POFUT3: variants seen among roughly 807,000 people sequenced by gnomAD.
POFUT3 encodes the protein GDP-fucose protein O-fucosyltransferase 3.
the POFUT3 span, among the ~76,000 whole-genome samples, chr8:33,443,718 T>C: frequency 0.96 from 145,452 of 152,220 alleles, 69,548 homozygotes; most frequent in East Asian, 1. Flanking sequence ...GTCTCGAACT[T>C]CTGACCTCAA....
chr8:33,461,149 T>G, the POFUT3 span, among the ~76,000 whole-genome samples: 1 of 121,040 alleles, frequency 8.3e-6, no homozygotes, highest in African/African-American at 3.3e-5. Flanking sequence ...AGTGGTACTG[T>G]GTCGAAAGGA....
At chr8:33,390,510 A>G in the POFUT3 span, among the ~76,000 whole-genome samples, 2 of 151,566 alleles carry the variant, frequency 1.3e-5, no homozygotes, top group African/African-American at 2.4e-5. Context: ...AAGGAAGCCA[A>G]AAAAGGAAAG....
the POFUT3 span, among the ~76,000 whole-genome samples, chr8:33,331,840 T>C: frequency 6.6e-6 from 1 of 151,466 alleles, no homozygotes; most frequent in Non-Finnish European, 1.5e-5. Context: ...CACGCCCGGC[T>C]AATTTTTTTT....
At chr8:33,419,211 GCTAGA>G in the POFUT3 span, among the ~76,000 whole-genome samples, 5 of 152,194 alleles carry the variant, frequency 3.3e-5, no homozygotes, top group Admixed American at 1.3e-4. Context: ...TTTTGAAATA[GCTAGA>G]CTAGAAGACT....
At chr8:33,389,710 A>G in the POFUT3 span, 13 of 1,614,018 alleles carry the variant, frequency 8.1e-6, no homozygotes, top group Admixed American at 1.8e-4. Flanking sequence ...AGAGCTTATA[A>G]TTGTTTTTCG....
the POFUT3 span, among the ~76,000 whole-genome samples, chr8:33,397,973 G>A: frequency 2.0e-5 from 3 of 152,172 alleles, no homozygotes; most frequent in African/African-American, 7.2e-5. Flanking sequence ...ATTAAGCTGA[G>A]AATTCTGGGA....
the POFUT3 span, among the ~76,000 whole-genome samples, chr8:33,373,920 G>A: frequency 9.2e-5 from 14 of 152,242 alleles, no homozygotes; most frequent in South Asian, 4.1e-4. Context: ...CCTGAACCAA[G>A]CAATCAAAGT....
the POFUT3 span, among the ~76,000 whole-genome samples, chr8:33,399,911 C>G: frequency 6.6e-6 from 1 of 151,918 alleles, no homozygotes; most frequent in African/African-American, 2.4e-5. Context: ...ATCTCGGCCT[C>G]CCAAAGTGCT....
chr8:33,353,989 TA>T, the POFUT3 span, among the ~76,000 whole-genome samples: 4 of 152,294 alleles, frequency 2.6e-5, no homozygotes, highest in South Asian at 8.3e-4. Flanking sequence ...ACACTATTTT[TA>T]TATCTCCTCA....
chr8:33,318,506 A>C, the POFUT3 span, among the ~76,000 whole-genome samples: 1 of 127,496 alleles, frequency 7.8e-6, no homozygotes, highest in Non-Finnish European at 1.6e-5. Flanking sequence ...ATTATAATAT[A>C]ATATATTATG....
chr8:33,352,716 T>C, the POFUT3 span, among the ~76,000 whole-genome samples: 3 of 152,196 alleles, frequency 2.0e-5, no homozygotes, highest in East Asian at 1.9e-4. Flanking sequence ...AAAGCCCCCA[T>C]TGGGAAAAGC....
At chr8:33,470,324 G>A in the POFUT3 span, among the ~76,000 whole-genome samples, 1 of 151,310 alleles carries the variant, frequency 6.6e-6, no homozygotes, top group Admixed American at 6.6e-5. Context: ...AGGAGGCTGA[G>A]CAGGAGGATC....
At chr8:33,470,165 C>T in the POFUT3 span, among the ~76,000 whole-genome samples, 3 of 144,670 alleles carry the variant, frequency 2.1e-5, no homozygotes, top group African/African-American at 7.8e-5. Flanking sequence ...TTTGAGACGC[C>T]GAGGTGGGTG....
the POFUT3 span, among the ~76,000 whole-genome samples, chr8:33,445,062 T>C: frequency 6.6e-6 from 1 of 150,400 alleles, no homozygotes; most frequent in South Asian, 2.1e-4. Flanking sequence ...GCCTCCAGAG[T>C]AGCTGGGACT....
chr8:33,423,068 T>G, the POFUT3 span, among the ~76,000 whole-genome samples: 1 of 151,654 alleles, frequency 6.6e-6, no homozygotes, highest in Admixed American at 6.6e-5. Flanking sequence ...CCACCTACCT[T>G]GGCCTCCCAA....
At chr8:33,425,180 T>C in the POFUT3 span, among the ~76,000 whole-genome samples, 1 of 151,366 alleles carries the variant, frequency 6.6e-6, no homozygotes, top group Non-Finnish European at 1.5e-5. Context: ...TACAAAAAAA[T>C]TTTTTAATTA....
At chr8:33,372,419 C>T in the POFUT3 span, 1 of 1,415,834 alleles carries the variant, frequency 7.1e-7, no homozygotes, top group Non-Finnish European at 9.2e-7. Context: ...GGGTAATTTA[C>T]ATCTATTCCT....
the POFUT3 span, among the ~76,000 whole-genome samples, chr8:33,396,760 C>T: frequency 6.6e-6 from 1 of 152,176 alleles, no homozygotes. Flanking sequence ...AATACTGAGA[C>T]CCAGGTAACC....
At chr8:33,336,686 A>G in the POFUT3 span, among the ~76,000 whole-genome samples, 1 of 152,332 alleles carries the variant, frequency 6.6e-6, no homozygotes, top group East Asian at 1.9e-4. Flanking sequence ...CAGGTCAGCA[A>G]AAAATGGCAG....
Sources: allele counts gnomAD v4.1 joint callset (sites outside exome capture counted in the v4.1 genomes callset), GRCh38; gene constraint gnomAD v4.1.1; transcripts MANE v1.5; gene names NCBI Gene and HGNC (gene_info 2026-07-23, HGNC 2026-07-21).